FAM193B: variants seen among roughly 807,000 people sequenced by gnomAD.
FAM193B encodes the protein family with sequence similarity 193 member B.
In FAM193B, 27 loss-of-function variants were observed where a neutral mutation model predicts 70.7. The observed-to-expected ratio is 0.38, with a 90% confidence interval of 0.28 to 0.53. FAM193B has a LOEUF of 0.53. Ranked by LOEUF, FAM193B falls within the 20% of genes least tolerant of loss-of-function variation. The pLI, the probability that FAM193B is intolerant of heterozygous loss-of-function variation, is 0.81. For synonymous variants in FAM193B, 448 were observed against 436.0 expected, an observed-to-expected ratio of 1.03 and a Z score of -0.34; for missense variants, 1,022 against 1,072.5, an observed-to-expected ratio of 0.95 and a Z score of 0.66.
rs28687719 is a variant in FAM193B, at chr5:177,533,343, C to G, written c.1077-702G>C. On this transcript the variant is annotated intron_variant, in intron 4 of 8. Coordinates refer to ENST00000514747, the MANE Select transcript of FAM193B (RefSeq NM_001190946.3). ...TTTTTGAGACGGAGTCTTGCTGTGT[C>G]GCCCAGGCTGGAGTGCAGTGGCATG... 2.7e-5 allele frequency among the ~76,000 whole-genome samples: 4 copies of G among 149,044 alleles called. No individual in the cohort carries two copies. In the East Asian group the frequency reaches 7.9e-4, roughly 29 times the overall value.
chr5:177,530,821 G>A (rs917658616), intron 5 of FAM193B, among the ~76,000 whole-genome samples: 1 of 152,142 alleles, frequency 6.6e-6, no homozygotes, highest in African/African-American at 2.4e-5. Flanking sequence ...CCCTCCTGAG[G>A]AGTCTGTACT....
Position 177,519,869 on chromosome 5 carries a change from TAAAAAC to T in FAM193B, c.*308_*313del, listed in dbSNP as rs945841369. ...AGTAAAGAATTGGAAAAAAACAAAATAAAAACAAAAACAAAAAAACCAAACACAAAG... is the reference window on the plus strand; with the variant it reads ...AGTAAAGAATTGGAAAAAAACAAAATAAAAACAAAAAAACCAAACACAAAG... On this transcript the variant is annotated 3_prime_UTR_variant, in exon 9 of 9. Coordinates refer to ENST00000514747, the MANE Select transcript of FAM193B (RefSeq NM_001190946.3). 1.3e-5 allele frequency: 2 copies of T among 152,044 alleles called. No individual in the cohort carries two copies. Among genetic ancestry groups the T allele is most frequent in the East Asian group, 3.9e-4 (2 of 5,172 alleles). The allele number at this position is 152,044 out of a possible 1,614,324, so 9.4% of individuals were successfully genotyped here. A position where few individuals can be genotyped will look rare whatever the true frequency, so the allele number is the denominator to read the frequency against.
rs775782759 is a variant in FAM193B at position 177,524,175 on chromosome 5, G to A, written c.2296+10C>T. 1 of 1,574,386 alleles carries A rather than the reference G, an allele frequency of 6.4e-7. No individual in the cohort carries two copies. The highest frequency in any genetic ancestry group is 8.6e-7 in the Non-Finnish European group (1 of 1,159,066). ...TAGGGGGTCAGCCGCTCAGTTCCTG[G>A]TGCACTCACCCAAGGAGGAGGCTGG... is the stretch of plus-strand genomic sequence containing the variant. On this transcript the variant is annotated intron_variant, in intron 6 of 8. Coordinates refer to ENST00000514747, the MANE Select transcript of FAM193B (RefSeq NM_001190946.3).
rs1476094422 is a variant in FAM193B, at chr5:177,524,739, T to C, written c.1742A>G (p.Asn581Ser). The stretch of plus-strand genomic sequence containing the variant: ...GGTGTTGAGTCTCCTCACGAGCCCG[T>C]TCTCGGGGACGATACCGGGAGGGGG... ...RGPPPGIVPE[N>S]GLVRRLNTVP... The change falls in exon 6 of 9, where the codon AAC becomes AGC. Residue 581 changes from asparagine to serine, a missense_variant. By Grantham distance (46) the Asn-to-Ser change is conservative. Transcript: ENST00000514747. 6 of 1,544,756 alleles carry C rather than the reference T, an allele frequency of 3.9e-6. No individual in the cohort carries two copies. The highest frequency in any genetic ancestry group is 3.8e-5 in the South Asian group (3 of 79,804).
At chr5:177,522,252 G>T in intron 7 of FAM193B, 181 bp from the exon 8 acceptor site, 2 of 566,412 alleles carry the variant, frequency 3.5e-6, no homozygotes, top group South Asian at 4.0e-5. Context: ...CTTCTGGATT[G>T]GGCCCAGGGA....
At chr5:177,543,457 CCTCT>C (rs926163907) in intron 1 of FAM193B, among the ~76,000 whole-genome samples, 1 of 152,242 alleles carries the variant, frequency 6.6e-6, no homozygotes, top group Non-Finnish European at 1.5e-5. Context: ...TATCCACTGT[CCTCT>C]CTGAGTTTGG....
At chr5:177,551,209 TCCAAGTCTCTAAACACTATTCC>T (rs1412238631) in intron 1 of FAM193B, among the ~76,000 whole-genome samples, 13 of 152,180 alleles carry the variant, frequency 8.5e-5, no homozygotes, top group Non-Finnish European at 1.6e-4. Flanking sequence ...GGGAATTCAA[TCCAAGTCTCTAAACACTATTCC>T]CCACTGCCTC....
chr5:177,545,481 G>T (rs1004994825), intron 1 of FAM193B, among the ~76,000 whole-genome samples: 18 of 151,940 alleles, frequency 1.2e-4, no homozygotes, highest in African/African-American at 4.4e-4. Flanking sequence ...ATTTAATTTG[G>T]TAAGTATCAA....
intron 5 of FAM193B, 131 bp from the exon 6 acceptor site, chr5:177,525,336 C>T: frequency 1.1e-6 from 1 of 948,808 alleles, no homozygotes. Flanking sequence ...TCCTAGCCTG[C>T]TTACCCACCC....
rs1561749986 is a variant in FAM193B, at chr5:177,524,665, A to AGCCCGGCTTGGGTGTC, written c.1800_1815dup (p.Tyr606AspfsTer26). On this transcript the variant is annotated frameshift_variant, in exon 6 of 9. Transcript: ENST00000514747. LOFTEE classifies it high-confidence loss of function. Reference sequence around the variant, plus strand: ...GAGCTTGGCTCCTCGGAGCTGGGGTAGCCCGGCTTGGGTGTCTTGACCCAG... The same window carrying AGCCCGGCTTGGGTGTC: ...GAGCTTGGCTCCTCGGAGCTGGGGTAGCCCGGCTTGGGTGTCGCCCGGCTTGGGTGTCTTGACCCAG... The AGCCCGGCTTGGGTGTC allele has an allele frequency of 4.3e-6, 7 of 1,612,076 alleles. No homozygotes were observed. Among genetic ancestry groups the AGCCCGGCTTGGGTGTC allele is most frequent in the Non-Finnish European group, 2.5e-6 (3 of 1,179,250 alleles).
intron 4 of FAM193B, among the ~76,000 whole-genome samples, chr5:177,535,284 A>G (rs939267572): frequency 5.9e-5 from 9 of 152,188 alleles, no homozygotes; most frequent in Admixed American, 5.9e-4. Context: ...ACACCACAAG[A>G]GAACACAAAT....
chr5:177,551,294 T>C (rs577695675), intron 1 of FAM193B, among the ~76,000 whole-genome samples: 104 of 152,240 alleles, frequency 6.8e-4, no homozygotes, highest in Non-Finnish European at 1.2e-3. Context: ...TGTTTTGTTT[T>C]CCTTTGCTAA....
chr5:177,547,286 C>CTTTTTTTTTTTTTTTTTTTT (rs35063787), intron 1 of FAM193B: 1 of 89,414 alleles, frequency 1.1e-5, no homozygotes, highest in Non-Finnish European at 2.0e-5. Flanking sequence ...AAATTTATTT[C>CTTTTTTTTTTTTTTTTTTTT]TTTTTTTTTT....
At chr5:177,549,066 T>C (rs1266844487) in intron 1 of FAM193B, among the ~76,000 whole-genome samples, 1 of 152,182 alleles carries the variant, frequency 6.6e-6, no homozygotes, top group African/African-American at 2.4e-5. Flanking sequence ...CATCTTCCTC[T>C]AGGTTATGTC....
chr5:177,538,897 T>C lies in FAM193B; in HGVS notation c.453+8A>G. On this transcript the variant is annotated splice_region_variant and intron_variant, in intron 2 of 8. Transcript: ENST00000514747. This position sits in a 1 kb window ranked among gnomAD's most constrained non-coding sequence, Gnocchi z 4.1. ...TGCATTCAGGGACCCCTGTCAGCGG[T>C]TACCTACCGCCACTGCATGTTCTCG... 6.2e-7 allele frequency: 1 copy of C among 1,613,546 alleles called. No individual in the cohort carries two copies. Among genetic ancestry groups the C allele is most frequent in the East Asian group, 2.2e-5 (1 of 44,858 alleles).
chr5:177,545,494 GATATAAACAACACAA>G (rs1765307577), intron 1 of FAM193B, among the ~76,000 whole-genome samples: 1 of 152,050 alleles, frequency 6.6e-6, no homozygotes, highest in East Asian at 1.9e-4. Context: ...AGTATCAATA[GATATAAACAACACAA>G]ACAAAAGCTC....
intron 4 of FAM193B, among the ~76,000 whole-genome samples, chr5:177,534,849 C>T (rs1299765357): frequency 2.0e-5 from 3 of 152,134 alleles, no homozygotes; most frequent in Non-Finnish European, 4.4e-5. Context: ...AACTCCTGGG[C>T]TCAAGCAATC....
chr5:177,527,990 G>C (rs1208998751), intron 5 of FAM193B, among the ~76,000 whole-genome samples: 1 of 152,140 alleles, frequency 6.6e-6, no homozygotes, highest in Non-Finnish European at 1.5e-5. Context: ...AAACACTATT[G>C]GGCTGTTTCT....
intron 5 of FAM193B, among the ~76,000 whole-genome samples, chr5:177,527,051 C>G (rs1340870100): frequency 6.6e-6 from 1 of 152,142 alleles, no homozygotes; most frequent in African/African-American, 2.4e-5. Context: ...GACTGGTTCA[C>G]CAGGGAGTGC....
Sources: allele counts gnomAD v4.1 joint callset (sites outside exome capture counted in the v4.1 genomes callset), GRCh38; gene constraint gnomAD v4.1.1; non-coding constraint Gnocchi (gnomAD v3.1); transcripts MANE v1.5; gene names NCBI Gene and HGNC (gene_info 2026-07-23, HGNC 2026-07-21).